Variants in CASR observed in about 807,000 individuals in gnomAD.
CASR encodes the protein extracellular calcium-sensing receptor.
In CASR, 23 loss-of-function variants were observed where a neutral mutation model predicts 69.1. The observed-to-expected ratio is 0.33, with a 90% CI of 0.24 to 0.47. The LOEUF is 0.47. CASR is among the 20% of genes least tolerant of loss of function. The pLI is 1.00. For synonymous variants in CASR, 541 were observed against 544.7 expected (o/e 0.99, Z 0.10); for missense variants, 924 against 1,356.1 (o/e 0.68, Z 5.00).
At chr3:122,269,357 T>C (rs1390120675) in intron 4 of CASR, among the ~76,000 whole-genome samples, 4 of 152,250 alleles carry the variant, frequency 2.6e-5, no homozygotes, top group South Asian at 2.1e-4. Context: ...TTAACTTTCA[T>C]AGATGCCCTT....
chr3:122,192,171 A>G (rs1211953637), intron 1 of CASR, among the ~76,000 whole-genome samples: 1 of 152,266 alleles, frequency 6.6e-6, no homozygotes, highest in Non-Finnish European at 1.5e-5. Flanking sequence ...GATAGGAAGC[A>G]GCATAGGCTA....
intron 4 of CASR, among the ~76,000 whole-genome samples, chr3:122,265,972 C>T (rs1396833717): frequency 6.6e-6 from 1 of 152,046 alleles, no homozygotes; most frequent in Non-Finnish European, 1.5e-5. Context: ...ACATGGCTGG[C>T]GTTAGAGAAG....
chr3:122,232,630 G>A (rs1696907815), intron 1 of CASR, among the ~76,000 whole-genome samples: 1 of 152,218 alleles, frequency 6.6e-6, no homozygotes, highest in Non-Finnish European at 1.5e-5. Context: ...GCAGGGCCCA[G>A]GAATCGCCAG....
At chr3:122,187,007 T>A (rs1254684135) in intron 1 of CASR, among the ~76,000 whole-genome samples, 1 of 152,246 alleles carries the variant, frequency 6.6e-6, no homozygotes, top group Non-Finnish European at 1.5e-5. Context: ...TGCTTTATAA[T>A]TAAATGTTTC....
At chr3:122,217,331 G>A (rs1159816555) in intron 1 of CASR, among the ~76,000 whole-genome samples, 1 of 152,098 alleles carries the variant, frequency 6.6e-6, no homozygotes, top group Non-Finnish European at 1.5e-5. Context: ...AAACTCTTGA[G>A]TTCAAGCAAT....
In CASR at chr3:122,247,975, A is replaced by AGCCATT. The variant is rs1267920494; in HGVS notation, c.-242-5972_-242-5967dup. Among the ~76,000 whole-genome samples, 23 of 152,232 alleles carry AGCCATT rather than the reference A, an allele frequency of 1.5e-4. 1 individual carries two copies. The East Asian group carries it at 4.1e-3, about 27-fold the overall frequency. ...TCTTTGCATTTTTCCAACTCAATTA[A>AGCCATT]GCCATTACCAGAACTAAATGAGGCA... On this transcript the variant is annotated intron_variant, in intron 1 of 6. Transcript: ENST00000639785.
chr3:122,261,933 G>A lies in CASR; in HGVS notation c.898G>A (p.Ala300Thr), dbSNP rs2074630394. The stretch of plus-strand genomic sequence containing the variant: ...GATCTGGCTGGCCAGCGAGGCCTGG[G>A]CCAGCTCCTCCCTGATCGCCATGCC... The part of the protein sequence containing the change: ...GKIWLASEAW[A>T]SSSLIAMPQY... The change falls in exon 4 of 7, where the codon GCC becomes ACC. Residue 300 changes from alanine to threonine, a missense_variant. Physicochemically the swap from Ala to Thr is moderately conservative, Grantham distance 58 (BLOSUM62 0). Around this residue, in one of 8 missense-constraint regions of CASR, gnomAD observed 310 missense variants for 395.7 expected, o/e 0.78. Coordinates refer to ENST00000639785, the MANE Select transcript of CASR (RefSeq NM_000388.4). 6.2e-7 allele frequency: 1 copy of A among 1,614,050 alleles called. No homozygotes were observed. The highest frequency in any genetic ancestry group is 8.5e-7 in the Non-Finnish European group (1 of 1,180,000).
At chr3:122,231,178 C>T (rs994054316) in intron 1 of CASR, among the ~76,000 whole-genome samples, 3 of 152,172 alleles carry the variant, frequency 2.0e-5, no homozygotes, top group Non-Finnish European at 2.9e-5. Flanking sequence ...GGATGCTAAC[C>T]AGTCTCAGAG....
intron 1 of CASR, among the ~76,000 whole-genome samples, chr3:122,244,832 TA>T (rs1034393045): frequency 6.6e-6 from 1 of 152,152 alleles, no homozygotes; most frequent in Non-Finnish European, 1.5e-5. Context: ...GGATGGAAGA[TA>T]AGAAGTATCA....
intron 1 of CASR, among the ~76,000 whole-genome samples, chr3:122,218,600 C>A: frequency 2.0e-5 from 2 of 100,974 alleles, no homozygotes; most frequent in African/African-American, 3.5e-5. Flanking sequence ...TGGTGGTGAA[C>A]TGGATAAAGG....
At chr3:122,218,375 A>C (rs34757877) in intron 1 of CASR, among the ~76,000 whole-genome samples, 5,754 of 152,026 alleles carry the variant, frequency 0.038, 135 homozygotes, top group South Asian at 0.085. Context: ...CTCTACTAAA[A>C]TACAAAAAAT....
intron 4 of CASR, among the ~76,000 whole-genome samples, chr3:122,273,388 T>C (rs2074780692): frequency 6.6e-6 from 1 of 152,152 alleles, no homozygotes. Context: ...TTCTAATCCA[T>C]AGAGGTGTTG....
chr3:122,280,103 C>T (rs2107646788), intron 5 of CASR, among the ~76,000 whole-genome samples: 2 of 152,154 alleles, frequency 1.3e-5, no homozygotes, highest in South Asian at 4.2e-4. Context: ...GAACTAAAAA[C>T]AAAAACCACA....
At chr3:122,272,493 T>G (rs1246278115) in intron 4 of CASR, among the ~76,000 whole-genome samples, 1 of 152,202 alleles carries the variant, frequency 6.6e-6, no homozygotes, top group Non-Finnish European at 1.5e-5. Flanking sequence ...CCCTCTGTCC[T>G]TTGCCAGCCA....
At chr3:122,257,527 T>G in intron 3 of CASR, 140 bp downstream of exon 3, 1 of 626,936 alleles carries the variant, frequency 1.6e-6, no homozygotes, top group East Asian at 2.7e-5. Context: ...ATATGCTGTA[T>G]CATGACCATT....
chr3:122,240,928 T>C (rs1230266095), intron 1 of CASR, among the ~76,000 whole-genome samples: 2 of 152,144 alleles, frequency 1.3e-5, no homozygotes, highest in Non-Finnish European at 2.9e-5. Context: ...TGTTCTTGAA[T>C]GACCAGTGGG....
rs574794187 is a variant in CASR at position 122,220,686 on chromosome 3, A to G, written c.-242-33262A>G. Reference sequence around the variant, plus strand: ...AACAACGTACATTAAAATATTAAGGACTTTGTGCTGGGCATGGTGGCTTAC... The same window carrying G: ...AACAACGTACATTAAAATATTAAGGGCTTTGTGCTGGGCATGGTGGCTTAC... On this transcript the variant is annotated intron_variant, in intron 1 of 6. Transcript: ENST00000639785. 7.9e-5 allele frequency among the ~76,000 whole-genome samples: 12 copies of G among 152,222 alleles called. 1 individual carries two copies. The highest frequency in any genetic ancestry group is 2.4e-4 in the African/African-American group (10 of 41,526).
At chr3:122,233,229 T>C (rs753484475) in intron 1 of CASR, among the ~76,000 whole-genome samples, 107 of 152,312 alleles carry the variant, frequency 7.0e-4, no homozygotes, top group African/African-American at 2.0e-3. Context: ...AAGTCCTTTC[T>C]AACACCCTGT....
In CASR at chr3:122,286,901, G is replaced by A. The variant is rs1216860507; in HGVS notation, c.*1710G>A. On this transcript the variant is annotated 3_prime_UTR_variant, in exon 7 of 7. Transcript: ENST00000639785. Reference sequence around the variant, plus strand: ...AGGGGCGCCTTTCAGTGATTTGTAGGGCAAATTGGTGGACTTGATAGTTGT... The same window carrying A: ...AGGGGCGCCTTTCAGTGATTTGTAGAGCAAATTGGTGGACTTGATAGTTGT... 2 of 152,196 alleles carry A rather than the reference G, an allele frequency of 1.3e-5. No individual in the cohort carries two copies. The highest frequency in any genetic ancestry group is 1.9e-4 in the East Asian group (1 of 5,200). The allele number at this position is 152,196 out of a possible 1,614,324, so 9.4% of individuals were successfully genotyped here. A position where few individuals can be genotyped will look rare whatever the true frequency, so the allele number is the denominator to read the frequency against.
Sources: gnomAD v4.1 joint callset for allele counts (sites outside exome capture counted in the v4.1 genomes callset) on GRCh38, gnomAD v4.1.1 for gene constraint, gnomAD v4.1.1 regional missense constraint, MANE v1.5 for transcripts, NCBI Gene and HGNC (gene_info 2026-07-23, HGNC 2026-07-21) for gene names.